The following ALG9 variants were observed in gnomAD, a reference collection of about 807,000 sequenced individuals.
ALG9 encodes the protein alpha-1,2-mannosyltransferase ALG9.
ALG9 carries 55 observed loss-of-function variants against 81.8 expected under a neutral mutation model. The observed-to-expected ratio is 0.67, with a 90% CI of 0.54 to 0.84. The LOEUF is 0.84. Among genes scored for constraint, ALG9 ranks in the 40% least tolerant of loss-of-function variants. ALG9 has a pLI of 0.00. For synonymous variants in ALG9, 278 were observed against 274.3 expected, an observed-to-expected ratio of 1.01 and a Z score of -0.13; for missense variants, 629 against 745.0, an observed-to-expected ratio of 0.84 and a Z score of 1.81.
At chr11:111,774,959 G>GA in the ALG9 span, among the ~76,000 whole-genome samples, 11 of 151,402 alleles carry the variant, frequency 7.3e-5, no homozygotes, top group Non-Finnish European at 1.0e-4. Context: ...TTTTTTAAAA[G>GA]AAAAAAAATA....
chr11:111,809,852 A>C, intron 13 of ALG9, 79 bp from the exon 14 acceptor site: 1 of 1,524,186 alleles, frequency 6.6e-7, no homozygotes, highest in South Asian at 1.1e-5. Flanking sequence ...TGCAATCCTA[A>C]AAATTTACAG....
intron 6 of ALG9, among the ~76,000 whole-genome samples, chr11:111,856,276 C>CAAAAAA (rs1175162630): frequency 6.0e-4 from 23 of 38,402 alleles, no homozygotes; most frequent in South Asian, 1.8e-3. Context: ...GACTCCATCT[C>CAAAAAA]AAAAAAAAAA....
At chr11:111,773,929 A>AT in the ALG9 span, among the ~76,000 whole-genome samples, 10 of 149,222 alleles carry the variant, frequency 6.7e-5, no homozygotes, top group Admixed American at 4.0e-4. Context: ...TAATTTTTGT[A>AT]TTTTTTTTGT....
rs1591748981 is a variant in ALG9, at chr11:111,783,089, G to A, written c.*3308C>T. 6.6e-6 allele frequency: 1 copy of A among 152,282 alleles called. No homozygotes were observed. The highest frequency in any genetic ancestry group is 1.5e-5 in the Non-Finnish European group (1 of 68,046). 9.4% of individuals were successfully genotyped at this position (152,282 alleles called of 1,614,324 possible). On this transcript the variant is annotated 3_prime_UTR_variant, in exon 15 of 15. Transcript: ENST00000616540. ...TGGGGATTCAGATAAGGCTGCTTTAGAGCTAGAAATCAGAGAACCATGCAT... is the reference window on the plus strand; with the variant it reads ...TGGGGATTCAGATAAGGCTGCTTTAAAGCTAGAAATCAGAGAACCATGCAT...
Position 111,809,705 on chromosome 11 carries a change from T to G in ALG9, c.1671A>C (p.Lys557Asn), listed in dbSNP as rs781800446. Residue 557 changes from lysine to asparagine, a missense_variant, in exon 14 of 15, where the codon AAA (lysine) becomes AAC (asparagine). Lys to Asn is a moderately conservative substitution (Grantham distance 94). Coordinates refer to ENST00000616540, the MANE Select transcript of ALG9 (RefSeq NM_024740.2). ...TCCATTCTTCTTTATTGGATGAATA[T>G]TTTGGCTCCCGGGGTGTTTCTCTCA... is the stretch of plus-strand genomic sequence containing the variant. ...DTMRETPREP[K>N]YSSNKEEWIS... 5.2e-5 allele frequency: 84 copies of G among 1,614,134 alleles called. No individual in the cohort carries two copies. The highest frequency in any genetic ancestry group is 6.5e-5 in the Non-Finnish European group (77 of 1,179,978).
chr11:111,871,518 G>T lies in ALG9; in HGVS notation c.-36C>A, dbSNP rs1555159193. ...GGGAAAAAAGAATTCGGCACCCTAT[G>T]AAGTCGGTGAGCGCGCAGACATAGC... On this transcript the variant is annotated 5_prime_UTR_variant, in exon 1 of 15. It introduces an in-frame stop codon into an upstream open reading frame of the 5' UTR. Coordinates refer to ENST00000616540, the MANE Select transcript of ALG9 (RefSeq NM_024740.2). 5.2e-6 allele frequency: 8 copies of T among 1,535,602 alleles called. No homozygotes were observed. The Admixed American group carries it at 5.9e-5, about 11-fold the overall frequency.
chr11:111,801,962 A>C (rs1259029018), intron 14 of ALG9, among the ~76,000 whole-genome samples: 1 of 152,232 alleles, frequency 6.6e-6, no homozygotes, highest in Admixed American at 6.5e-5. Flanking sequence ...CAGGTACCAA[A>C]GAACACGTGT....
intron 14 of ALG9, among the ~76,000 whole-genome samples, chr11:111,801,742 G>A (rs1404383038): frequency 6.6e-6 from 1 of 152,140 alleles, no homozygotes. Flanking sequence ...TCAACAGGTG[G>A]TTGTGAAAAT....
intron 13 of ALG9, among the ~76,000 whole-genome samples, chr11:111,822,985 T>C (rs1056408676): frequency 4.0e-5 from 6 of 151,862 alleles, no homozygotes; most frequent in Non-Finnish European, 5.9e-5. Flanking sequence ...GATCACACCA[T>C]TGCCCTCCAG....
intron 14 of ALG9, chr11:111,805,046 G>C (rs565163773): frequency 9.7e-6 from 3 of 310,842 alleles, no homozygotes; most frequent in African/African-American, 6.6e-5. Flanking sequence ...GCTGTTATGG[G>C]CTGTTTGTGT....
chr11:111,863,433 C>T (rs1395086362), intron 4 of ALG9, among the ~76,000 whole-genome samples: 1 of 152,154 alleles, frequency 6.6e-6, no homozygotes, highest in African/African-American at 2.4e-5. Flanking sequence ...AATTCAGGCC[C>T]AAACCCATAT....
chr11:111,853,447 C>T lies in ALG9; in HGVS notation c.828G>A (p.Lys276=), dbSNP rs1958146742. ...VVVIDSYYYG[K]LVIAPLNIVL... ...CAATGTTGAGTGGTGCAATCACCAA[C>T]TTCCCATAATAGTAGCTGTCAATGA... Residue 276 remains lysine (K), a synonymous_variant, in exon 8 of 15, where the codon AAG becomes AAA. Transcript: ENST00000616540. 4 of 1,613,942 alleles carry T rather than the reference C, an allele frequency of 2.5e-6. No homozygotes were observed. The highest frequency in any genetic ancestry group is 3.4e-6 in the Non-Finnish European group (4 of 1,179,980).
chr11:111,820,624 A>G (rs781926211), intron 13 of ALG9, among the ~76,000 whole-genome samples: 3 of 152,192 alleles, frequency 2.0e-5, no homozygotes, highest in Non-Finnish European at 4.4e-5. Context: ...AAACCATAGC[A>G]TTAACTCAAA....
At chr11:111,787,075 A>G (rs868934313) in intron 14 of ALG9, among the ~76,000 whole-genome samples, 1 of 152,220 alleles carries the variant, frequency 6.6e-6, no homozygotes, top group African/African-American at 2.4e-5. Flanking sequence ...ACTGAAATAT[A>G]AGAACTGAAA....
chr11:111,870,154 T>C, intron 2 of ALG9, 78 bp downstream of exon 2: 2 of 1,471,298 alleles, frequency 1.4e-6, no homozygotes, highest in South Asian at 1.3e-5. Context: ...CACTTGTATA[T>C]TATTTGTCTC....
Position 111,784,146 on chromosome 11 carries a change from T to C in ALG9, c.*2251A>G, listed in dbSNP as rs1555059980. 6.6e-6 allele frequency: 1 copy of C among 152,228 alleles called. No homozygotes were observed. The highest frequency in any genetic ancestry group is 2.4e-5 in the African/African-American group (1 of 41,450). The allele number at this position is 152,228 out of a possible 1,614,324, so 9.4% of individuals were successfully genotyped here. The stretch of plus-strand genomic sequence containing the variant: ...TGTCCTGTAGTCAGATCATATGTGC[T>C]AGTTTTACACTGGAAAATAGTAATC... On this transcript the variant is annotated 3_prime_UTR_variant, in exon 15 of 15. Coordinates refer to ENST00000616540, the MANE Select transcript of ALG9 (RefSeq NM_024740.2).
chr11:111,850,545 A>G lies in ALG9; in HGVS notation c.895+2835T>C, dbSNP rs147410491. 1.4e-4 allele frequency among the ~76,000 whole-genome samples: 22 copies of G among 151,762 alleles called. 1 individual carries two copies. Among genetic ancestry groups the G allele is most frequent in the African/African-American group, 5.3e-4 (22 of 41,332 alleles). On this transcript the variant is annotated intron_variant, in intron 8 of 14. Transcript: ENST00000616540. ...ACATGGTGAAATCCCTGTCTCTACT[A>G]AAAATACAAAAATTAGCCAGGCATG...
the ALG9 span, among the ~76,000 whole-genome samples, chr11:111,772,817 T>G: frequency 6.6e-6 from 1 of 151,942 alleles, no homozygotes; most frequent in Admixed American, 6.6e-5. Context: ...ACTTACAGAG[T>G]CAGAATACCT....
intron 10 of ALG9, among the ~76,000 whole-genome samples, chr11:111,838,710 T>C (rs1392628272): frequency 5.3e-5 from 8 of 152,230 alleles, no homozygotes; most frequent in African/African-American, 1.9e-4. Context: ...GTAGTTTTGA[T>C]ATATAAAGTA....
Sources: allele counts gnomAD v4.1 joint callset (sites outside exome capture counted in the v4.1 genomes callset), GRCh38; gene constraint gnomAD v4.1.1; transcripts MANE v1.5; gene names NCBI Gene and HGNC (gene_info 2026-07-23, HGNC 2026-07-21).